The following DIP2C variants were observed in gnomAD, a reference collection of about 807,000 sequenced individuals.
The protein encoded by DIP2C is disco-interacting protein 2 homolog C.
In DIP2C, 33 loss-of-function variants were observed where a neutral mutation model predicts 192.4. The ratio of observed to expected loss-of-function variants is 0.17; its 90% confidence interval spans 0.13 to 0.23. The LOEUF (loss-of-function observed/expected upper bound fraction) is 0.23, where lower values mean the gene tolerates loss of function less well. DIP2C is among the 10% of genes least tolerant of loss of function. The probability of loss-of-function intolerance (pLI) is 1.00; values close to 1 mark genes in which losing one functional copy is unlikely to be tolerated. For missense variants in DIP2C, 1,537 were observed against 2,110.1 expected, an observed-to-expected ratio of 0.73 and a Z score of 5.32; for synonymous variants, 979 against 864.1, an observed-to-expected ratio of 1.13 and a Z score of -2.33.
chr10:364,870 G>A (rs1164442368), intron 19 of DIP2C: 1 of 627,392 alleles, frequency 1.6e-6, no homozygotes, highest in African/African-American at 1.8e-5. Flanking sequence ...AAGTCTCACA[G>A]GAGGCCAATC....
intron 3 of DIP2C, among the ~76,000 whole-genome samples, chr10:458,787 C>A (rs1589841287): frequency 6.6e-6 from 1 of 152,002 alleles, no homozygotes; most frequent in African/African-American, 2.4e-5. Context: ...CACCCCGTGA[C>A]GGCAAGGAGG....
rs919997060 is a variant in DIP2C at position 363,636 on chromosome 10, C to G, written c.2478-325G>C. ...AGACCTGCTGAAATTTAGGGAGTCA[C>G]ACCCTTCACAGCTCGAGTTTGCACC... On this transcript the variant is annotated intron_variant, in intron 20 of 36. Transcript: ENST00000280886. This position sits in a 1 kb window ranked among gnomAD's most constrained non-coding sequence, Gnocchi z 5.4. 6.6e-6 allele frequency among the ~76,000 whole-genome samples: 1 copy of G among 152,224 alleles called. No homozygotes were observed. The highest frequency in any genetic ancestry group is 1.5e-5 in the Non-Finnish European group (1 of 68,044).
intron 1 of DIP2C, among the ~76,000 whole-genome samples, chr10:648,810 G>A (rs1196405522): frequency 1.3e-5 from 2 of 148,192 alleles, no homozygotes; most frequent in Non-Finnish European, 3.0e-5. Flanking sequence ...AGAACAGAGG[G>A]AAACTGAGTC....
chr10:685,187 C>CATAT lies in DIP2C; in HGVS notation c.85+4303_85+4306dup, dbSNP rs1206918396. ...ATATATATATATATATATATATATA[C>CATAT]ATATATATATATATATATATAAACA... On this transcript the variant is annotated intron_variant, in intron 1 of 36. Transcript: ENST00000280886. Among the ~76,000 whole-genome samples, 195 of 22,310 alleles carry CATAT rather than the reference C, an allele frequency of 8.7e-3. 2 individuals carry two copies. The highest frequency in any genetic ancestry group is 0.021 in the African/African-American group (187 of 8,844). 14.6% of individuals were successfully genotyped at this position (22,310 alleles called of 152,430 possible).
chr10:519,413 G>A lies in DIP2C; in HGVS notation c.86-32883C>T, dbSNP rs536618134. ...TCGAGGTTTCTGAACTCATTCAATC[G>A]CTGACCCACGCAGCACGTTTCCTGA... On this transcript the variant is annotated intron_variant, in intron 1 of 36. Transcript: ENST00000280886. Among the ~76,000 whole-genome samples, 7 of 152,148 alleles carry A rather than the reference G, an allele frequency of 4.6e-5. No individual in the cohort carries two copies. In the East Asian group the frequency reaches 1.3e-3, roughly 29 times the overall value.
intron 1 of DIP2C, among the ~76,000 whole-genome samples, chr10:579,110 G>A (rs1003560829): frequency 3.3e-5 from 5 of 151,560 alleles, no homozygotes. Flanking sequence ...ATGTAGTGTA[G>A]GTACATAGGT....
At chr10:439,322 GTT>G (rs1967531959) in intron 4 of DIP2C, among the ~76,000 whole-genome samples, 1 of 151,984 alleles carries the variant, frequency 6.6e-6, no homozygotes, top group South Asian at 2.1e-4. Flanking sequence ...CTAGCACGGC[GTT>G]CACTCCCTTG....
intron 1 of DIP2C, among the ~76,000 whole-genome samples, chr10:572,333 T>A (rs1285651835): frequency 6.6e-6 from 1 of 152,248 alleles, no homozygotes; most frequent in South Asian, 2.1e-4. Flanking sequence ...GCCTTTATAT[T>A]GCAGTTAACT....
In DIP2C at chr10:406,414, A is replaced by G. The variant is rs548396013; in HGVS notation, c.1149+2512T>C. On this transcript the variant is annotated intron_variant, in intron 9 of 36. Coordinates refer to ENST00000280886, the MANE Select transcript of DIP2C (RefSeq NM_014974.3). ...GCATTCCTCTCCCCCAGTCCCTGGC[A>G]CCTAACCTTTCTGCTTTTGTTTCTC... Among the ~76,000 whole-genome samples, 3 of 152,280 alleles carry G rather than the reference A, an allele frequency of 2.0e-5. No homozygotes were observed. In the East Asian group the frequency reaches 5.8e-4, roughly 29 times the overall value.
intron 1 of DIP2C, among the ~76,000 whole-genome samples, chr10:634,130 G>C (rs910752060): frequency 6.6e-6 from 1 of 152,162 alleles, no homozygotes; most frequent in African/African-American, 2.4e-5. Flanking sequence ...ATCAGAAAGA[G>C]CCTCCCAGTC....
At chr10:485,791 A>G (rs902718238) in intron 2 of DIP2C, among the ~76,000 whole-genome samples, 9 of 152,192 alleles carry the variant, frequency 5.9e-5, no homozygotes, top group Non-Finnish European at 1.3e-4. Context: ...TGTTAGCTTT[A>G]AGCCATTCCT....
chr10:552,767 T>G (rs1373649835), intron 1 of DIP2C, among the ~76,000 whole-genome samples: 2 of 152,158 alleles, frequency 1.3e-5, no homozygotes, highest in Admixed American at 1.3e-4. Flanking sequence ...GAGAACAGTG[T>G]GAACCGGGGA....
At chr10:341,385 G>C (rs1958137765) in intron 28 of DIP2C, 56 bp from the exon 29 acceptor site, 19 of 1,608,684 alleles carry the variant, frequency 1.2e-5, no homozygotes, top group African/African-American at 2.7e-5. Flanking sequence ...CAGACACCCG[G>C]GACAATACGG....
At chr10:662,513 G>A (rs1564319596) in intron 1 of DIP2C, among the ~76,000 whole-genome samples, 2 of 152,156 alleles carry the variant, frequency 1.3e-5, no homozygotes, top group African/African-American at 4.8e-5. Context: ...TGAAGCAGCT[G>A]TGTTTGCTCC....
At chr10:337,268 A>AGGCCCAGGCAGC (rs1957859591) in intron 29 of DIP2C, among the ~76,000 whole-genome samples, 2 of 10,986 alleles carry the variant, frequency 1.8e-4, no homozygotes, top group East Asian at 2.3e-3. Context: ...GCCTAGGCTG[A>AGGCCCAGGCAGC]TGTGTGTGTG....
At chr10:503,831 AC>A (rs2130724191) in intron 1 of DIP2C, among the ~76,000 whole-genome samples, 1 of 152,328 alleles carries the variant, frequency 6.6e-6, no homozygotes, top group Non-Finnish European at 1.5e-5. Flanking sequence ...GGTTCTATAT[AC>A]ACCTGAAAAT....
chr10:415,665 G>C (rs887986087), intron 7 of DIP2C, 104 bp downstream of exon 7: 1 of 1,488,216 alleles, frequency 6.7e-7, no homozygotes, highest in Non-Finnish European at 9.1e-7. Context: ...CAAATGCCAC[G>C]ATTACTGCTC....
intron 1 of DIP2C, among the ~76,000 whole-genome samples, chr10:560,835 C>G (rs762798476): frequency 2.6e-5 from 4 of 152,134 alleles, no homozygotes; most frequent in Non-Finnish European, 2.9e-5. Context: ...CTTATCACCC[C>G]GCCTCCCTTC....
At chr10:336,532 G>A (rs914871240) in intron 29 of DIP2C, among the ~76,000 whole-genome samples, 5 of 152,182 alleles carry the variant, frequency 3.3e-5, no homozygotes, top group African/African-American at 7.2e-5. Flanking sequence ...GGTTTTTGAT[G>A]AGCATATACA....
Sources: allele counts gnomAD v4.1 joint callset (sites outside exome capture counted in the v4.1 genomes callset), GRCh38; gene constraint gnomAD v4.1.1; non-coding constraint Gnocchi (gnomAD v3.1); transcripts MANE v1.5; gene names NCBI Gene and HGNC (gene_info 2026-07-23, HGNC 2026-07-21).